LEO1: variants seen among roughly 807,000 people sequenced by gnomAD.
LEO1 encodes RNA polymerase-associated protein LEO1.
LEO1 carries 34 observed loss-of-function variants against 80.4 expected under a neutral mutation model. That is an observed-to-expected ratio of 0.42 (90% CI 0.32 to 0.56). The LOEUF is 0.56. LEO1 is among the 20% of genes least tolerant of loss of function. The pLI is 0.10. For synonymous variants in LEO1, 262 were observed against 274.9 expected (o/e 0.95, Z 0.46); for missense variants, 631 against 814.2 (o/e 0.77, Z 2.74).
chr15:51,940,794 T>A (rs2959290), intron 11 of LEO1, among the ~76,000 whole-genome samples: 53,376 of 151,372 alleles, frequency 0.35, 9,933 homozygotes, highest in Middle Eastern at 0.43. Context: ...CAAAAAAAAA[T>A]TTTTAATAAA....
intron 11 of LEO1, among the ~76,000 whole-genome samples, chr15:51,944,148 C>A (rs1040356982): frequency 6.6e-6 from 1 of 152,178 alleles, no homozygotes; most frequent in African/African-American, 2.4e-5. Flanking sequence ...AAGAGAACCA[C>A]GTGCAGATAC....
chr15:51,950,649 A>G lies in LEO1; in HGVS notation c.1612-655T>C, dbSNP rs1169716768. Among the ~76,000 whole-genome samples, 5 of 152,234 alleles carry G rather than the reference A, an allele frequency of 3.3e-5. No individual in the cohort carries two copies. The East Asian group carries it at 9.6e-4, about 29-fold the overall frequency. On this transcript the variant is annotated intron_variant, in intron 9 of 11. Transcript: ENST00000299601. Reference sequence around the variant, plus strand: ...TGGGATTTCTTTGAAGGTCTTCCTCATCCCGTTGCTCTGTATTATCATATA... The same window carrying G: ...TGGGATTTCTTTGAAGGTCTTCCTCGTCCCGTTGCTCTGTATTATCATATA...
chr15:51,943,892 A>T (rs1207701120), intron 11 of LEO1, among the ~76,000 whole-genome samples: 1 of 152,122 alleles, frequency 6.6e-6, no homozygotes, highest in Non-Finnish European at 1.5e-5. Context: ...AGCAGACTTG[A>T]TGGATCGACA....
At chr15:51,945,389 C>G (rs551786652) in intron 11 of LEO1, among the ~76,000 whole-genome samples, 1 of 151,982 alleles carries the variant, frequency 6.6e-6, no homozygotes, top group African/African-American at 2.4e-5. Flanking sequence ...TTCACACATG[C>G]CAGGCAGGTT....
Position 51,971,673 on chromosome 15 carries a change from G to A in LEO1, c.58+15C>T, listed in dbSNP as rs1406501762. The stretch of plus-strand genomic sequence containing the variant: ...GCCTGCCACGCACCCATCCTCCGAA[G>A]ACCAGCGAACCCACCTTTACGCTCA... On this transcript the variant is annotated intron_variant, in intron 1 of 11. Coordinates refer to ENST00000299601, the MANE Select transcript of LEO1 (RefSeq NM_138792.4). 3.1e-6 allele frequency: 5 copies of A among 1,613,618 alleles called. No individual in the cohort carries two copies. The highest frequency in any genetic ancestry group is 3.4e-6 in the Non-Finnish European group (4 of 1,179,680).
intron 9 of LEO1, among the ~76,000 whole-genome samples, chr15:51,951,425 C>T (rs1352904096): frequency 6.6e-6 from 1 of 152,176 alleles, no homozygotes; most frequent in Non-Finnish European, 1.5e-5. Flanking sequence ...CTCATAAGCT[C>T]GTCTTATTCT....
intron 9 of LEO1, among the ~76,000 whole-genome samples, chr15:51,951,099 TTGTAAGAAAGGCCC>T (rs1404727952): frequency 6.6e-6 from 1 of 152,184 alleles, no homozygotes; most frequent in Non-Finnish European, 1.5e-5. Context: ...ACCATAAGAT[TTGTAAGAAAGGCCC>T]TGAGGTAACT....
At chr15:51,969,838 TAAAAAAA>T in intron 1 of LEO1, among the ~76,000 whole-genome samples, 1 of 89,976 alleles carries the variant, frequency 1.1e-5, no homozygotes, top group African/African-American at 4.3e-5. Context: ...GAGACTCCGT[TAAAAAAA>T]AAAAAAAAAA....
chr15:51,943,112 G>C (rs922499680), intron 11 of LEO1, among the ~76,000 whole-genome samples: 2 of 152,072 alleles, frequency 1.3e-5, no homozygotes, highest in Non-Finnish European at 2.9e-5. Flanking sequence ...GGGCGTGGTG[G>C]TTCACACCTG....
intron 8 of LEO1, among the ~76,000 whole-genome samples, chr15:51,952,835 C>T (rs985550773): frequency 3.3e-5 from 5 of 152,188 alleles, no homozygotes; most frequent in Non-Finnish European, 7.3e-5. Context: ...AGCAGACACA[C>T]GTATTTTAGG....
In LEO1 at chr15:51,938,146, A is replaced by G. The variant is rs534292151; in HGVS notation, c.*10T>C. The G allele has an allele frequency of 2.6e-5, 36 of 1,407,224 alleles. 2 individuals carry two copies. The South Asian group carries it at 4.2e-4, about 16-fold the overall frequency. 87.2% of individuals were successfully genotyped at this position (1,407,224 alleles called of 1,614,324 possible). ...AATAAAATATATAAAATGTTTTCATATTTCATACTTCAATCATCATCTTCT... is the reference window on the plus strand; with the variant it reads ...AATAAAATATATAAAATGTTTTCATGTTTCATACTTCAATCATCATCTTCT... On this transcript the variant is annotated 3_prime_UTR_variant, in exon 12 of 12. Transcript: ENST00000299601.
Position 51,966,285 on chromosome 15 carries a change from C to G in LEO1, c.278G>C (p.Arg93Pro). 1 of 1,614,032 alleles carries G rather than the reference C, an allele frequency of 6.2e-7. No individual in the cohort carries two copies. Reference sequence around the variant, plus strand: ...GGGGTCATTGTCCTCATGGTCAGAACGCTCAGAAGCTTCTGATCTATTGTC... The same window carrying G: ...GGGGTCATTGTCCTCATGGTCAGAAGGCTCAGAAGCTTCTGATCTATTGTC... The part of the protein sequence containing the change: ...RSDNRSEASE[R>P]SDHEDNDPSD... Residue 93 changes from arginine to proline, a missense_variant, in exon 2 of 12, where the codon CGT (arginine) becomes CCT (proline). Coordinates refer to ENST00000299601, the MANE Select transcript of LEO1 (RefSeq NM_138792.4).
chr15:51,951,813 C>T, intron 9 of LEO1, 31 bp downstream of exon 9: 10 of 1,596,086 alleles, frequency 6.3e-6, no homozygotes, highest in Non-Finnish European at 8.6e-6. Context: ...CCAAAGAATC[C>T]CAGGATAACG....
chr15:51,954,933 A>T (rs1031301594), intron 6 of LEO1: 27 of 140,588 alleles, frequency 1.9e-4, no homozygotes, highest in African/African-American at 5.8e-4. Context: ...TGAGGCAGAA[A>T]TTTTTTTTTT....
intron 11 of LEO1, among the ~76,000 whole-genome samples, chr15:51,942,928 A>G (rs2056866587): frequency 6.6e-6 from 1 of 150,392 alleles, no homozygotes; most frequent in Non-Finnish European, 1.5e-5. Flanking sequence ...TCTCAAAAAA[A>G]AAAAAAAAAC....
Position 51,966,458 on chromosome 15 carries a change from G to A in LEO1, c.105C>T (p.Ala35=), listed in dbSNP as rs377161423. 4 of 1,613,006 alleles carry A rather than the reference G, an allele frequency of 2.5e-6. No homozygotes were observed. The highest frequency in any genetic ancestry group is 1.1e-5 in the South Asian group (1 of 90,996). The change falls in exon 2 of 12, where the codon GCC becomes GCT. Residue 35 remains alanine (A), a synonymous_variant. Transcript: ENST00000299601. The stretch of plus-strand genomic sequence containing the variant: ...CACTTCCAGAGGCATTACTGCCAGA[G>A]GCAGCATTCTCTTGATCAGAATCTG... ...SDSDSDQENA[A]SGSNASGSES...
chr15:51,963,579 TA>T (rs1217892956), intron 2 of LEO1, among the ~76,000 whole-genome samples: 2 of 152,004 alleles, frequency 1.3e-5, no homozygotes, highest in Non-Finnish European at 1.5e-5. Flanking sequence ...ACATGAGCCT[TA>T]AAGATTCTTT....
chr15:51,942,370 T>C (rs1802591679), intron 11 of LEO1, among the ~76,000 whole-genome samples: 1 of 151,786 alleles, frequency 6.6e-6, no homozygotes, highest in African/African-American at 2.4e-5. Flanking sequence ...TCAGGCAGTG[T>C]AGGTTTGCAA....
chr15:51,965,963 C>T lies in LEO1; in HGVS notation c.600G>A (p.Glu200=). The change falls in exon 2 of 12, where the codon GAG becomes GAA. Residue 200 remains glutamate, a synonymous_variant. Transcript: ENST00000299601. ...DEERPQLSDD[E]RQQLSEEEKA... ...TTTCCTCCTCAGATAGCTGTTGTCT[C>T]TCATCATCGGAAAGCTGAGGCCTCT... 1.2e-6 allele frequency: 2 copies of T among 1,613,992 alleles called. No homozygotes were observed. Among genetic ancestry groups the T allele is most frequent in the Non-Finnish European group, 1.7e-6 (2 of 1,179,912 alleles).
Sources: allele counts gnomAD v4.1 joint callset (sites outside exome capture counted in the v4.1 genomes callset), GRCh38; gene constraint gnomAD v4.1.1; transcripts MANE v1.5; gene names NCBI Gene and HGNC (gene_info 2026-07-23, HGNC 2026-07-21).